DLGAP2: variants seen among roughly 807,000 people sequenced by gnomAD.
DLGAP2 encodes the protein disks large-associated protein 2.
Under a neutral mutation model 100.3 loss-of-function variants are expected in DLGAP2, and 26 were observed. The ratio of observed to expected loss-of-function variants is 0.26; its 90% CI spans 0.19 to 0.36. DLGAP2 has a LOEUF of 0.36. Among genes scored for constraint, DLGAP2 ranks in the 10% least tolerant of loss-of-function variants. The pLI, the probability that DLGAP2 is intolerant of heterozygous loss-of-function variation, is 1.00. For synonymous variants in DLGAP2, 886 were observed against 630.1 expected (o/e 1.41, Z -6.08); for missense variants, 1,858 against 1,453.2 (o/e 1.28, Z -4.53).
chr8:1,205,323 G>T (rs533422675), intron 2 of DLGAP2, among the ~76,000 whole-genome samples: 1 of 152,180 alleles, frequency 6.6e-6, no homozygotes, highest in Non-Finnish European at 1.5e-5. Context: ...GCGACGGGCA[G>T]CCTGTTCCTC....
At chr8:1,683,004 G>A (rs539423042) in intron 12 of DLGAP2, among the ~76,000 whole-genome samples, 62 of 151,464 alleles carry the variant, frequency 4.1e-4, no homozygotes, top group African/African-American at 1.5e-3. Context: ...ACATTCCATA[G>A]ATATTTATTG....
intron 3 of DLGAP2, among the ~76,000 whole-genome samples, chr8:1,413,256 GTAAA>G (rs1223015584): frequency 6.6e-6 from 1 of 152,064 alleles, no homozygotes; most frequent in Admixed American, 6.5e-5. Context: ...TATTTTTAAA[GTAAA>G]TAAAGGAAGA....
Position 1,701,297 on chromosome 8 carries a change from G to A in DLGAP2, c.3059G>A (p.Arg1020Gln). 6.3e-7 allele frequency: 1 copy of A among 1,585,608 alleles called. No homozygotes were observed. Among genetic ancestry groups the A allele is most frequent in the Non-Finnish European group, 8.6e-7 (1 of 1,166,680 alleles). Residue 1020 changes from arginine to glutamine, a missense_variant, in exon 15 of 15, where the codon CGG becomes CAG. Arg to Gln is a conservative substitution (Grantham distance 43, BLOSUM62 1). Transcript: ENST00000637795. ...CCCGACAGACAACGCCAGGAAGCCC[G>A]GAGGCGCCTCATGGCCGCCAAGCGA... The part of the protein sequence containing the change: ...DLPDRQRQEA[R>Q]RRLMAAKRAA...
intron 1 of DLGAP2, among the ~76,000 whole-genome samples, chr8:741,603 T>C (rs186605133): frequency 6.6e-6 from 1 of 152,324 alleles, no homozygotes; most frequent in East Asian, 1.9e-4. Flanking sequence ...GGAAGTGTCC[T>C]GTCTGTATTT....
intron 1 of DLGAP2, among the ~76,000 whole-genome samples, chr8:747,004 C>T (rs542265019): frequency 1.4e-3 from 208 of 152,206 alleles, no homozygotes; most frequent in African/African-American, 4.4e-3. Context: ...TCACCATGTC[C>T]GAGCCAGTGG....
intron 2 of DLGAP2, among the ~76,000 whole-genome samples, chr8:1,103,285 TGAAAC>T (rs1804645876): frequency 6.6e-6 from 1 of 152,216 alleles, no homozygotes; most frequent in African/African-American, 2.4e-5. Flanking sequence ...CCCACCATGC[TGAAAC>T]TTTCAGGGCT....
intron 4 of DLGAP2, among the ~76,000 whole-genome samples, chr8:1,506,165 CTCATTCTAATGTTAATACATATCT>C (rs374501920): frequency 5.8e-4 from 89 of 152,312 alleles, no homozygotes; most frequent in African/African-American, 1.9e-3. Context: ...GCACCAATGT[CTCATTCTAATGTTAATACATATCT>C]TGTCTCACAG....
At chr8:1,521,047 A>G (rs2020405) in intron 4 of DLGAP2, among the ~76,000 whole-genome samples, 94,733 of 152,088 alleles carry the variant, frequency 0.62, 30,264 homozygotes, top group South Asian at 0.8. Flanking sequence ...TGGCCGTTCT[A>G]TTCGGGGTGT....
At chr8:1,039,690 C>T (rs111260734) in intron 2 of DLGAP2, among the ~76,000 whole-genome samples, 8 of 115,940 alleles carry the variant, frequency 6.9e-5, no homozygotes, top group Middle Eastern at 6.9e-3. Flanking sequence ...GTGGTCAGCT[C>T]GGTGTGCGTG....
chr8:1,226,114 TAGC>T (rs1329976359), intron 2 of DLGAP2, among the ~76,000 whole-genome samples: 2 of 152,162 alleles, frequency 1.3e-5, no homozygotes, highest in African/African-American at 4.8e-5. Context: ...TATAATTAAA[TAGC>T]AGAAAAATAA....
chr8:1,347,358 C>T lies in DLGAP2; in HGVS notation c.106+88475C>T, dbSNP rs1801587596. ...ATGGTAGCTGGGTGGAGGTTGAGTT[C>T]CCATACACATCTGCATTGCTCTCAT... On this transcript the variant is annotated intron_variant, in intron 3 of 14. Transcript: ENST00000637795. 1.3e-5 allele frequency among the ~76,000 whole-genome samples: 2 copies of T among 151,536 alleles called. 1 individual carries two copies. The highest frequency in any genetic ancestry group is 4.9e-5 in the African/African-American group (2 of 41,112).
intron 2 of DLGAP2, among the ~76,000 whole-genome samples, chr8:1,150,698 T>C (rs1796683479): frequency 6.6e-6 from 1 of 152,108 alleles, no homozygotes; most frequent in South Asian, 2.1e-4. Context: ...AAAAACAAAA[T>C]GGATGAATAT....
rs1178785279 is a variant in DLGAP2 at position 1,626,793 on chromosome 8, C to G, written c.1496C>G (p.Pro499Arg). 6 of 1,603,382 alleles carry G rather than the reference C, an allele frequency of 3.7e-6. No homozygotes were observed. Among genetic ancestry groups the G allele is most frequent in the Non-Finnish European group, 5.1e-6 (6 of 1,175,520 alleles). ...SDVPVGHSLD[P>R]AANYNSPKFR... is the part of the protein sequence containing the mutation. ...GTGCCTGTGGGACACAGCCTGGACC[C>G]CGCTGCGAACTACAACTCCCCGAAA... Residue 499 changes from proline (P) to arginine (R), a missense_variant, in exon 7 of 15, where the codon CCC becomes CGC. Transcript: ENST00000637795.
intron 2 of DLGAP2, among the ~76,000 whole-genome samples, chr8:1,128,495 G>A (rs1454068004): frequency 1.3e-5 from 2 of 152,254 alleles, no homozygotes; most frequent in African/African-American, 4.8e-5. Flanking sequence ...CCAGCTGCCT[G>A]CAGGACTCAG....
intron 8 of DLGAP2, among the ~76,000 whole-genome samples, chr8:1,641,579 T>G (rs1285755430): frequency 6.6e-6 from 1 of 152,168 alleles, no homozygotes; most frequent in Non-Finnish European, 1.5e-5. Context: ...GACAACGATC[T>G]GCGTCTGTCC....
Position 1,548,484 on chromosome 8 carries a change from A to C in DLGAP2, c.173-142A>C, listed in dbSNP as rs7465328. The C allele has an allele frequency of 3.0e-4, 155 of 510,142 alleles. 1 individual carries two copies. In the South Asian group the frequency reaches 3.2e-3, roughly 11 times the overall value. The allele number at this position is 510,142 out of a possible 1,614,324, so 31.6% of individuals were successfully genotyped here. On this transcript the variant is annotated intron_variant, in intron 4 of 14. Transcript: ENST00000637795. ...AAAAAAAAAAAAAAAAAAAAAAAAA[A>C]CCCACAAATCTGCCCTCTCGAGTGC...
chr8:1,289,689 C>T (rs914151101), intron 3 of DLGAP2, among the ~76,000 whole-genome samples: 1 of 152,168 alleles, frequency 6.6e-6, no homozygotes, highest in Non-Finnish European at 1.5e-5. Flanking sequence ...GTGCAGTGTT[C>T]TCACAGAAGT....
chr8:1,260,010 C>T (rs184803852), intron 3 of DLGAP2, among the ~76,000 whole-genome samples: 2 of 152,108 alleles, frequency 1.3e-5, no homozygotes, highest in South Asian at 2.1e-4. Context: ...AGACTTTGGA[C>T]ACCTGGCATT....
chr8:1,172,839 G>A (rs1211674102), intron 2 of DLGAP2, among the ~76,000 whole-genome samples: 1 of 152,056 alleles, frequency 6.6e-6, no homozygotes, highest in Non-Finnish European at 1.5e-5. Context: ...ATTTCCTCCT[G>A]TAGCTCGTAG....
Sources: gnomAD v4.1 joint callset for allele counts (sites outside exome capture counted in the v4.1 genomes callset) on GRCh38, gnomAD v4.1.1 for gene constraint, MANE v1.5 for transcripts, NCBI Gene and HGNC (gene_info 2026-07-23, HGNC 2026-07-21) for gene names.